TP53BP2: variants seen among roughly 807,000 people sequenced by gnomAD.
TP53BP2 encodes tumor protein p53 binding protein 2.
Under a neutral mutation model 126.2 loss-of-function variants are expected in TP53BP2, and 62 were observed. The ratio of observed to expected loss-of-function variants is 0.49; its 90% CI spans 0.40 to 0.61. The LOEUF (loss-of-function observed/expected upper bound fraction) is 0.61, where lower values mean the gene tolerates loss of function less well. TP53BP2 is among the 20% of genes least tolerant of loss of function. The pLI is 0.00. For synonymous variants in TP53BP2, 485 were observed against 502.9 expected (o/e 0.96, Z 0.48); for missense variants, 1,215 against 1,402.8 (o/e 0.87, Z 2.14).
At chr1:223,800,906 T>A in intron 9 of TP53BP2, 96 bp from the exon 10 acceptor site, 1 of 790,974 alleles carries the variant, frequency 1.3e-6, no homozygotes, top group Non-Finnish European at 2.0e-6. Flanking sequence ...AAAACAGCTT[T>A]AAATTCCAGA....
rs1235716014 is a variant in TP53BP2, at chr1:223,831,749, C to T, written c.28-10382G>A. Among the ~76,000 whole-genome samples, 6 of 136,100 alleles carry T rather than the reference C, an allele frequency of 4.4e-5. No individual in the cohort carries two copies. The East Asian group carries it at 8.3e-4, about 19-fold the overall frequency. 89.3% of individuals were successfully genotyped at this position (136,100 alleles called of 152,430 possible). On this transcript the variant is annotated intron_variant, in intron 1 of 17. Coordinates refer to ENST00000343537, the MANE Select transcript of TP53BP2 (RefSeq NM_001031685.3). Reference sequence around the variant, plus strand: ...TCATCTATCTCAAGAGAAGGAAAGTCGAAGGAAAGATAAAAAAAAAAAAAA... The same window carrying T: ...TCATCTATCTCAAGAGAAGGAAAGTTGAAGGAAAGATAAAAAAAAAAAAAA...
At chr1:223,817,479 T>A (rs1663129378) in intron 2 of TP53BP2, among the ~76,000 whole-genome samples, 1 of 152,168 alleles carries the variant, frequency 6.6e-6, no homozygotes, top group South Asian at 2.1e-4. Context: ...ATTTTTGGCA[T>A]CCACCCCCTA....
rs1234462207 is a variant in TP53BP2 at position 223,845,686 on chromosome 1, C to T, written c.-6G>A. 6.5e-7 allele frequency: 1 copy of T among 1,544,958 alleles called. No homozygotes were observed. The highest frequency in any genetic ancestry group is 8.7e-7 in the Non-Finnish European group (1 of 1,152,472). ...ATCTTGGACCCGAACCGCATGGAAG[C>T]GGGTGGCCAGACTGCGGCCCCGGCC... On this transcript the variant is annotated 5_prime_UTR_variant, in exon 1 of 18. Transcript: ENST00000343537.
chr1:223,830,004 C>G (rs1663641780), intron 1 of TP53BP2, among the ~76,000 whole-genome samples: 2 of 152,120 alleles, frequency 1.3e-5, no homozygotes, highest in South Asian at 4.1e-4. Flanking sequence ...ACAATAAACT[C>G]TAAAGCATAC....
chr1:223,805,034 A>G (rs1371618590), intron 5 of TP53BP2, among the ~76,000 whole-genome samples: 2 of 152,214 alleles, frequency 1.3e-5, no homozygotes, highest in Non-Finnish European at 2.9e-5. Flanking sequence ...TACTTTTGTT[A>G]TAGCAGAAAT....
At chr1:223,839,357 G>A (rs1394063846) in intron 1 of TP53BP2, among the ~76,000 whole-genome samples, 10 of 152,202 alleles carry the variant, frequency 6.6e-5, no homozygotes, top group Admixed American at 5.9e-4. Context: ...GGCACAGTGT[G>A]AGGCACAGAA....
chr1:223,836,053 AC>A (rs1663911385), intron 1 of TP53BP2, among the ~76,000 whole-genome samples: 1 of 152,190 alleles, frequency 6.6e-6, no homozygotes, highest in African/African-American at 2.4e-5. Flanking sequence ...GACACAGGAA[AC>A]TGTGGCATGC....
intron 3 of TP53BP2, among the ~76,000 whole-genome samples, chr1:223,812,174 A>AT (rs1420901876): frequency 3.9e-5 from 6 of 152,132 alleles, no homozygotes; most frequent in Non-Finnish European, 1.5e-5. Context: ...GGCTGAGGTG[A>AT]TTCAGGTTCC....
At chr1:223,845,584 C>G in intron 1 of TP53BP2, 70 bp downstream of exon 1, 2 of 1,471,244 alleles carry the variant, frequency 1.4e-6, no homozygotes, top group Non-Finnish European at 1.8e-6. Flanking sequence ...CGCCCGAGGG[C>G]GCGGACCAGC....
chr1:223,804,447 A>G (rs149043168), intron 5 of TP53BP2, 99 bp from the exon 6 acceptor site: 17 of 1,081,168 alleles, frequency 1.6e-5, no homozygotes, highest in Non-Finnish European at 2.2e-5. Flanking sequence ...AGATTGAGGT[A>G]CACTTGTAAC....
rs182033980 is a variant in TP53BP2 at position 223,814,040 on chromosome 1, C to T, written c.289+200G>A. The T allele has an allele frequency of 7.1e-4, 372 of 522,418 alleles. 2 individuals are homozygous for T. Among genetic ancestry groups the T allele is most frequent in the Non-Finnish European group, 4.4e-4 (128 of 293,920 alleles). 32.4% of individuals were successfully genotyped at this position (522,418 alleles called of 1,614,324 possible). On this transcript the variant is annotated intron_variant, in intron 3 of 17. Transcript: ENST00000343537. ...ATTTCCTTTCTTATAGTTTCAACCC[C>T]CTGCTCTAATGACTCCTTCCCACCT...
chr1:223,796,801 A>G lies in TP53BP2; in HGVS notation c.1949-211T>C, dbSNP rs913720039. ...AACTTATTACAGAATCAAAACCCCC[A>G]CTGATTGTAACATGCACCATATCTC... On this transcript the variant is annotated intron_variant, in intron 12 of 17. Transcript: ENST00000343537. The surrounding 1 kb of genome is among the most constrained non-coding windows in gnomAD (Gnocchi z 4.2). Among the ~76,000 whole-genome samples, 1 of 152,206 alleles carries G rather than the reference A, an allele frequency of 6.6e-6. No homozygotes were observed. The highest frequency in any genetic ancestry group is 2.4e-5 in the African/African-American group (1 of 41,446).
intron 1 of TP53BP2, among the ~76,000 whole-genome samples, chr1:223,843,210 A>T (rs1384866953): frequency 6.6e-6 from 1 of 151,004 alleles, no homozygotes; most frequent in East Asian, 1.9e-4. Flanking sequence ...AGTCACTCTT[A>T]GTTACCAGGC....
intron 1 of TP53BP2, among the ~76,000 whole-genome samples, chr1:223,823,458 A>G (rs964565969): frequency 1.3e-4 from 20 of 152,252 alleles, no homozygotes. Context: ...AACAGAGGGT[A>G]ATCCAGAAAA....
At position 223,792,399 on chromosome 1, in the gene TP53BP2, T is replaced by C; in HGVS notation, c.2986A>G (p.Ser996Gly). The change falls in exon 15 of 18, where the codon AGT (serine) becomes GGT (glycine). Residue 996 changes from serine (S) to glycine (G), a missense_variant. Transcript: ENST00000343537. ...QFGVNVNAAD[S>G]DGWTPLHCAA... Reference sequence around the variant, plus strand: ...AAAAGAAAATCTTACCATCCATCACTATCAGCAGCATTTACATTTACACCA... The same window carrying C: ...AAAAGAAAATCTTACCATCCATCACCATCAGCAGCATTTACATTTACACCA... 1 of 1,610,054 alleles carries C rather than the reference T, an allele frequency of 6.2e-7. No homozygotes were observed. The highest frequency in any genetic ancestry group is 8.5e-7 in the Non-Finnish European group (1 of 1,178,014).
At chr1:223,804,639 A>C (rs1448509327) in intron 5 of TP53BP2, among the ~76,000 whole-genome samples, 2 of 152,250 alleles carry the variant, frequency 1.3e-5, no homozygotes, top group African/African-American at 2.4e-5. Flanking sequence ...TAGTTTTCAT[A>C]AACTGTTGCA....
At chr1:223,831,046 C>A (rs1046803445) in intron 1 of TP53BP2, among the ~76,000 whole-genome samples, 1 of 151,794 alleles carries the variant, frequency 6.6e-6, no homozygotes, top group African/African-American at 2.4e-5. Flanking sequence ...TGCAGTGAGC[C>A]GAGATCGCGC....
At chr1:223,838,709 T>C (rs1396974028) in intron 1 of TP53BP2, among the ~76,000 whole-genome samples, 2 of 152,236 alleles carry the variant, frequency 1.3e-5, no homozygotes, top group Admixed American at 6.5e-5. Context: ...GCAATTACTT[T>C]TGCACCAACC....
intron 1 of TP53BP2, among the ~76,000 whole-genome samples, chr1:223,840,269 T>C (rs896232646): frequency 2.0e-5 from 3 of 152,240 alleles, no homozygotes. Flanking sequence ...AGAATTTTAA[T>C]GTCTCACCTA....
Sources: allele counts gnomAD v4.1 joint callset (sites outside exome capture counted in the v4.1 genomes callset), GRCh38; gene constraint gnomAD v4.1.1; non-coding constraint Gnocchi (gnomAD v3.1); transcripts MANE v1.5; gene names NCBI Gene and HGNC (gene_info 2026-07-23, HGNC 2026-07-21).